The following CNOT10 variants were observed in gnomAD, a reference collection of about 807,000 sequenced individuals.
CNOT10 encodes the protein CCR4-NOT transcription complex, subunit 10.
In CNOT10, 30 loss-of-function variants were observed where a neutral mutation model predicts 94.6. The observed-to-expected ratio is 0.32, with a 90% CI of 0.24 to 0.43. The LOEUF is 0.43. Among genes scored for constraint, CNOT10 ranks in the 20% least tolerant of loss-of-function variants. CNOT10 has a pLI of 1.00. For synonymous variants in CNOT10, 289 were observed against 301.6 expected (o/e 0.96, Z 0.43); for missense variants, 759 against 877.2 (o/e 0.87, Z 1.70).
chr3:32,720,140 C>T lies in CNOT10; in HGVS notation c.771C>T (p.Ser257=). The T allele has an allele frequency of 6.5e-7, 1 of 1,535,298 alleles. No individual in the cohort carries two copies. Among genetic ancestry groups the T allele is most frequent in the South Asian group, 1.3e-5 (1 of 79,718 alleles). ...GNSAPSLFLK[S]NFEYLRGNYR... is the part of the protein sequence containing the mutation. ...CCGCACCCTCTCTCTTTCTTAAAAG[C>T]AATTTTGAGTACTTAAGAGGTAATT... Residue 257 remains serine (S), a synonymous_variant, in exon 8 of 19, where the codon AGC becomes AGT. Coordinates refer to ENST00000328834, the MANE Select transcript of CNOT10 (RefSeq NM_015442.3).
chr3:32,711,707 A>G lies in CNOT10; in HGVS notation c.431-1520A>G, dbSNP rs1346248315. Among the ~76,000 whole-genome samples, 5 of 152,356 alleles carry G rather than the reference A, an allele frequency of 3.3e-5. No individual in the cohort carries two copies. The East Asian group carries it at 9.6e-4, about 29-fold the overall frequency. Reference sequence around the variant, plus strand: ...GAGGGAAAGCATTCCCACTGGAGGTAATGGGATATGGAGAAGACTTGAGGT... The same window carrying G: ...GAGGGAAAGCATTCCCACTGGAGGTGATGGGATATGGAGAAGACTTGAGGT... On this transcript the variant is annotated intron_variant, in intron 4 of 18. Transcript: ENST00000328834.
chr3:32,713,211 G>GT lies in CNOT10; in HGVS notation c.431-8dup, dbSNP rs775884650. The GT allele has an allele frequency of 7.8e-5, 121 of 1,553,962 alleles. No individual in the cohort carries two copies. The highest frequency in any genetic ancestry group is 2.1e-4 in the Admixed American group (9 of 43,030). On this transcript the variant is annotated splice_polypyrimidine_tract_variant and intron_variant, in intron 4 of 18. Transcript: ENST00000328834. ...TTAGGTTGTGACTATTCTTTTCTGT[G>GT]TTTTTTTTCTCCCAGAAGAAAAATT...
At chr3:32,769,860 A>G in intron 17 of CNOT10, 27 bp from the exon 18 acceptor site, 3 of 1,595,010 alleles carry the variant, frequency 1.9e-6, no homozygotes, top group Non-Finnish European at 2.6e-6. Context: ...TTGTTTTTTC[A>G]CGGGCATCTT....
chr3:32,699,535 C>T (rs79255502), intron 1 of CNOT10, among the ~76,000 whole-genome samples: 3,229 of 152,268 alleles, frequency 0.021, 63 homozygotes, highest in Middle Eastern at 0.075. Context: ...TTGAGGAACA[C>T]TGTGAAGGAC....
At chr3:32,712,278 A>G (rs1697929022) in intron 4 of CNOT10, among the ~76,000 whole-genome samples, 1 of 151,896 alleles carries the variant, frequency 6.6e-6, no homozygotes, top group African/African-American at 2.4e-5. Context: ...TTCTGCCTTC[A>G]GGCAGGTAAA....
At chr3:32,715,973 AT>A (rs1334731743) in intron 5 of CNOT10, 2 of 303,200 alleles carry the variant, frequency 6.6e-6, no homozygotes, top group Non-Finnish European at 6.1e-6. Flanking sequence ...TGCCCAGCTA[AT>A]TTTTGTATTT....
chr3:32,742,166 G>A (rs1484919258), intron 13 of CNOT10, among the ~76,000 whole-genome samples: 3 of 151,790 alleles, frequency 2.0e-5, no homozygotes, highest in Admixed American at 2.0e-4. Context: ...ATGTTGGCCA[G>A]GATAGTCTCT....
intron 11 of CNOT10, among the ~76,000 whole-genome samples, chr3:32,734,117 T>C (rs1267609529): frequency 6.6e-6 from 1 of 152,198 alleles, no homozygotes; most frequent in East Asian, 1.9e-4. Flanking sequence ...TTTAAAAGTT[T>C]TTCCACAGTT....
intron 13 of CNOT10, among the ~76,000 whole-genome samples, chr3:32,750,671 C>T (rs886101290): frequency 1.3e-5 from 2 of 151,862 alleles, no homozygotes; most frequent in African/African-American, 4.8e-5. Flanking sequence ...CCTGTCTCAG[C>T]CTCCTGAGTA....
At chr3:32,743,892 A>G (rs961411728) in intron 13 of CNOT10, among the ~76,000 whole-genome samples, 1 of 152,158 alleles carries the variant, frequency 6.6e-6, no homozygotes, top group Non-Finnish European at 1.5e-5. Context: ...TAGGGCTTCC[A>G]TAGGGAATGC....
chr3:32,751,248 G>A (rs1307515431), intron 13 of CNOT10, among the ~76,000 whole-genome samples: 5 of 152,000 alleles, frequency 3.3e-5, no homozygotes, highest in African/African-American at 1.2e-4. Flanking sequence ...CTACAGATGT[G>A]CACCACCATG....
At chr3:32,697,806 A>C (rs1239411922) in intron 1 of CNOT10, among the ~76,000 whole-genome samples, 1 of 152,168 alleles carries the variant, frequency 6.6e-6, no homozygotes, top group Non-Finnish European at 1.5e-5. Context: ...TTTAGAGAAA[A>C]CTCAATAGCA....
At chr3:32,739,125 C>T (rs574523615) in intron 13 of CNOT10, among the ~76,000 whole-genome samples, 2 of 152,176 alleles carry the variant, frequency 1.3e-5, no homozygotes, top group Middle Eastern at 3.4e-3. Flanking sequence ...AGGCTGGTCT[C>T]GAACTCCTGA....
intron 13 of CNOT10, among the ~76,000 whole-genome samples, chr3:32,744,422 C>T (rs1456680003): frequency 6.6e-6 from 1 of 152,044 alleles, no homozygotes; most frequent in Non-Finnish European, 1.5e-5. Context: ...CCAATGGCCA[C>T]TTTTTATGAT....
intron 13 of CNOT10, among the ~76,000 whole-genome samples, chr3:32,745,392 A>G (rs75403704): frequency 0.021 from 3,230 of 152,258 alleles, 62 homozygotes; most frequent in Middle Eastern, 0.075. Context: ...TGTACACATA[A>G]TGACACTTTT....
chr3:32,716,897 G>C (rs1698149640), intron 6 of CNOT10, among the ~76,000 whole-genome samples: 1 of 152,134 alleles, frequency 6.6e-6, no homozygotes, highest in Non-Finnish European at 1.5e-5. Context: ...TGATCCACCT[G>C]CCTCGGCCTC....
At position 32,753,283 on chromosome 3, in the gene CNOT10, G is replaced by C. The variant is rs1353009444; in HGVS notation, c.1596-6175G>C. 3 of 858,822 alleles carry C rather than the reference G, an allele frequency of 3.5e-6. No homozygotes were observed. In the Admixed American group the frequency reaches 5.2e-5, roughly 15 times the overall value. 53.2% of individuals were successfully genotyped at this position (858,822 alleles called of 1,614,324 possible). On this transcript the variant is annotated intron_variant, in intron 13 of 18. Coordinates refer to ENST00000328834, the MANE Select transcript of CNOT10 (RefSeq NM_015442.3). ...GGATTAAAAGATGTCAAGAAGCTCA[G>C]AATGGCCCAGAATCTGATGTGTGGA... is the stretch of plus-strand genomic sequence containing the variant.
At chr3:32,744,460 C>T (rs559936186) in intron 13 of CNOT10, among the ~76,000 whole-genome samples, 7 of 152,106 alleles carry the variant, frequency 4.6e-5, no homozygotes, top group South Asian at 4.2e-4. Context: ...TGAGTATTTT[C>T]GGTTTTTTTC....
At chr3:32,753,868 C>G (rs1286746032) in intron 13 of CNOT10, 2 of 1,416,218 alleles carry the variant, frequency 1.4e-6, no homozygotes, top group African/African-American at 2.9e-5. Flanking sequence ...AAGTTGAAAT[C>G]AATCCTGATG....
Sources: allele counts gnomAD v4.1 joint callset (sites outside exome capture counted in the v4.1 genomes callset), GRCh38; gene constraint gnomAD v4.1.1; transcripts MANE v1.5; gene names NCBI Gene and HGNC (gene_info 2026-07-23, HGNC 2026-07-21).